MBTD1: variants seen among roughly 807,000 people sequenced by gnomAD.
MBTD1 encodes the protein mbt domain containing 1, also known as MBT domain-containing protein 1.
A neutral mutation model predicts 87.8 loss-of-function variants in MBTD1; 24 were observed. The ratio of observed to expected loss-of-function variants is 0.27; its 90% CI spans 0.20 to 0.38. The LOEUF (loss-of-function observed/expected upper bound fraction) is 0.38. Ranked by LOEUF, MBTD1 falls within the 10% of genes least tolerant of loss-of-function variation. MBTD1 has a pLI of 1.00. For synonymous variants in MBTD1, 237 were observed against 248.6 expected (o/e 0.95, Z 0.44); for missense variants, 436 against 760.2 (o/e 0.57, Z 5.02).
intron 16 of MBTD1, among the ~76,000 whole-genome samples, chr17:51,190,575 A>C (rs1489984564): frequency 3.3e-5 from 5 of 150,106 alleles, no homozygotes; most frequent in African/African-American, 4.9e-5. Flanking sequence ...TATAAAAACG[A>C]GTTGGGCATG....
chr17:51,193,595 A>G (rs910328473), intron 13 of MBTD1, 85 bp from the exon 14 acceptor site: 6 of 773,578 alleles, frequency 7.8e-6, no homozygotes, highest in African/African-American at 1.7e-5. Context: ...AGTACAAAAA[A>G]TCTTAAGAGC....
chr17:51,179,510 A>ATATATATATTTATATT lies in MBTD1; in HGVS notation c.*1065_*1066insAATATAAATATATATA, dbSNP rs1568136027. 1.0e-5 allele frequency: 1 copy of ATATATATATTTATATT among 95,734 alleles called. No individual in the cohort carries two copies. Among genetic ancestry groups the ATATATATATTTATATT allele is most frequent in the Non-Finnish European group, 2.2e-5 (1 of 45,758 alleles). The allele number at this position is 95,734 out of a possible 1,614,324, so 5.9% of individuals were successfully genotyped here. On this transcript the variant is annotated 3_prime_UTR_variant, in exon 17 of 17. Transcript: ENST00000586178. ...TATATATATATATATATATATATAT[A>ATATATATATTTATATT]TATATATATATATATATATATATAT...
chr17:51,233,744 T>C (rs2053669062), intron 2 of MBTD1, among the ~76,000 whole-genome samples: 1 of 152,120 alleles, frequency 6.6e-6, no homozygotes, highest in Non-Finnish European at 1.5e-5. Context: ...CCCAGCTTAA[T>C]GATTTAAAAA....
intron 13 of MBTD1, 66 bp downstream of exon 13, chr17:51,195,147 TG>T (rs912240982): frequency 4.1e-6 from 6 of 1,461,558 alleles, no homozygotes; most frequent in African/African-American, 1.4e-5. Flanking sequence ...TGTTAAATGT[TG>T]TAAACAAAAA....
chr17:51,234,606 T>C (rs2053729457), intron 2 of MBTD1, among the ~76,000 whole-genome samples: 1 of 152,168 alleles, frequency 6.6e-6, no homozygotes, highest in Admixed American at 6.5e-5. Context: ...ACTAAATTTG[T>C]TAAAGATCTT....
chr17:51,202,195 T>C lies in MBTD1; in HGVS notation c.1064-118A>G. On this transcript the variant is annotated intron_variant, in intron 10 of 16. Coordinates refer to ENST00000586178, the MANE Select transcript of MBTD1 (RefSeq NM_017643.3). ...TACTATAAAACATGGCAAGAAGACATGCCTTCTACATTTGGGGTGAATATT... is the reference window on the plus strand; with the variant it reads ...TACTATAAAACATGGCAAGAAGACACGCCTTCTACATTTGGGGTGAATATT... 3 of 676,146 alleles carry C rather than the reference T, an allele frequency of 4.4e-6. No homozygotes were observed. In the South Asian group the frequency reaches 5.1e-5, roughly 11 times the overall value. The allele number at this position is 676,146 out of a possible 1,614,324, so 41.9% of individuals were successfully genotyped here. A position where few individuals can be genotyped will look rare whatever the true frequency, so the allele number is the denominator to read the frequency against.
intron 2 of MBTD1, 137 bp from the exon 3 acceptor site, chr17:51,225,346 T>G: frequency 2.3e-6 from 1 of 440,050 alleles, no homozygotes; most frequent in Non-Finnish European, 3.9e-6. Flanking sequence ...TCTTTCTTTT[T>G]TTTTTCTTTT....
At chr17:51,212,364 AAAAAGAAAAGAAAAG>A (rs199587768) in intron 6 of MBTD1, among the ~76,000 whole-genome samples, 8 of 151,552 alleles carry the variant, frequency 5.3e-5, no homozygotes, top group Admixed American at 5.3e-4. Flanking sequence ...CCTCAAAAAA[AAAAAGAAAAGAAAAG>A]AAAAGAAAAA....
upstream of MBTD1, chr17:51,260,463 G>A (rs994235546): frequency 2.8e-6 from 3 of 1,080,446 alleles, no homozygotes; most frequent in South Asian, 1.7e-5. Flanking sequence ...TGGTCACGTG[G>A]CAAGAGGCTG....
chr17:51,258,922 G>T (rs1383988865), intron 2 of MBTD1, among the ~76,000 whole-genome samples: 1 of 152,084 alleles, frequency 6.6e-6, no homozygotes, highest in Non-Finnish European at 1.5e-5. Context: ...GTTCTTTCTT[G>T]GCACACAAAA....
At chr17:51,224,577 T>A (rs1039489044) in intron 3 of MBTD1, among the ~76,000 whole-genome samples, 5 of 152,190 alleles carry the variant, frequency 3.3e-5, no homozygotes, top group Admixed American at 6.5e-5. Flanking sequence ...TCAAGCCAGA[T>A]TTTAGGCAGA....
chr17:51,205,912 T>C (rs2051795896), intron 7 of MBTD1, among the ~76,000 whole-genome samples: 1 of 151,250 alleles, frequency 6.6e-6, no homozygotes, highest in South Asian at 2.1e-4. Flanking sequence ...CTAGAGAGAG[T>C]GGGAGGAGTT....
At chr17:51,244,622 G>A (rs1484343568) in intron 2 of MBTD1, among the ~76,000 whole-genome samples, 1 of 152,132 alleles carries the variant, frequency 6.6e-6, no homozygotes, top group Non-Finnish European at 1.5e-5. Context: ...TGACCAGGCT[G>A]GTCTCGAACT....
chr17:51,245,239 T>A (rs1435138347), intron 2 of MBTD1, among the ~76,000 whole-genome samples: 1 of 152,218 alleles, frequency 6.6e-6, no homozygotes. Context: ...TGTGGTTTTA[T>A]GTGCCTACTT....
In MBTD1 at chr17:51,181,840, C is replaced by T. The variant is rs151054202; in HGVS notation, c.1769-1146G>A. On this transcript the variant is annotated intron_variant, in intron 16 of 16. Transcript: ENST00000586178. ...CAAATTAACAGTATAGCCATGTTTCCGTAGGTCTTTAGTATGGAAAACGGT... is the reference window on the plus strand; with the variant it reads ...CAAATTAACAGTATAGCCATGTTTCTGTAGGTCTTTAGTATGGAAAACGGT... Among the ~76,000 whole-genome samples, 677 of 152,240 alleles carry T rather than the reference C, an allele frequency of 4.4e-3. 8 individuals are homozygous for T. Among genetic ancestry groups the T allele is most frequent in the African/African-American group, 0.015 (629 of 41,540 alleles).
chr17:51,257,116 A>G (rs746106133), intron 2 of MBTD1, among the ~76,000 whole-genome samples: 7 of 152,378 alleles, frequency 4.6e-5, no homozygotes, highest in Non-Finnish European at 8.8e-5. Flanking sequence ...CCTGAAATCA[A>G]AAGTCATCTT....
At chr17:51,231,066 TAG>T (rs1486056495) in intron 2 of MBTD1, among the ~76,000 whole-genome samples, 1 of 152,126 alleles carries the variant, frequency 6.6e-6, no homozygotes, top group Non-Finnish European at 1.5e-5. Context: ...GCCTCTTGAG[TAG>T]CTGGGACTAC....
intron 2 of MBTD1, among the ~76,000 whole-genome samples, chr17:51,241,087 T>A (rs2054139337): frequency 2.0e-5 from 3 of 152,070 alleles, no homozygotes; most frequent in Admixed American, 1.3e-4. Context: ...CAAGCAATCC[T>A]TTTGCTTCGG....
chr17:51,186,457 A>C (rs914180886), intron 16 of MBTD1: 3 of 151,874 alleles, frequency 2.0e-5, no homozygotes, highest in Non-Finnish European at 4.4e-5. Context: ...AAAACAAGAC[A>C]AAGTAAAATG....
Sources: gnomAD v4.1 joint callset for allele counts (sites outside exome capture counted in the v4.1 genomes callset) on GRCh38, gnomAD v4.1.1 for gene constraint, MANE v1.5 for transcripts, NCBI Gene and HGNC (gene_info 2026-07-23, HGNC 2026-07-21) for gene names.